GALNT16: variants seen among roughly 807,000 people sequenced by gnomAD.
GALNT16 encodes polypeptide N-acetylgalactosaminyltransferase 16.
A neutral mutation model predicts 76.1 loss-of-function variants in GALNT16; 40 were observed. The ratio of observed to expected loss-of-function variants is 0.53; its 90% CI spans 0.41 to 0.68. The LOEUF is 0.68. Ranked by LOEUF, GALNT16 falls within the 30% of genes least tolerant of loss-of-function variation. GALNT16 has a pLI of 0.00. For missense variants in GALNT16, 621 were observed against 731.9 expected, an observed-to-expected ratio of 0.85 and a Z score of 1.75; for synonymous variants, 276 against 285.2, an observed-to-expected ratio of 0.97 and a Z score of 0.32.
the GALNT16 span, among the ~76,000 whole-genome samples, chr14:69,363,564 A>T: frequency 6.6e-6 from 1 of 152,232 alleles, no homozygotes; most frequent in African/African-American, 2.4e-5. Flanking sequence ...TAAATAAAAG[A>T]AAAAGAGGCA....
At chr14:69,279,494 A>C (rs1203542343) in intron 1 of GALNT16, among the ~76,000 whole-genome samples, 1 of 152,214 alleles carries the variant, frequency 6.6e-6, no homozygotes, top group East Asian at 1.9e-4. Context: ...TGTTATGTAG[A>C]TCTCCACTGA....
intron 1 of GALNT16, among the ~76,000 whole-genome samples, chr14:69,270,962 G>C (rs1338775015): frequency 6.6e-6 from 1 of 152,150 alleles, no homozygotes; most frequent in African/African-American, 2.4e-5. Context: ...GGATGAAGGA[G>C]AACCAAAGGT....
chr14:69,337,914 G>A (rs2045433765), intron 9 of GALNT16, among the ~76,000 whole-genome samples: 1 of 152,210 alleles, frequency 6.6e-6, no homozygotes, highest in African/African-American at 2.4e-5. Flanking sequence ...TTAATATGAA[G>A]GAAAGTACGA....
chr14:69,365,915 A>G, the GALNT16 span, among the ~76,000 whole-genome samples: 1 of 152,336 alleles, frequency 6.6e-6, no homozygotes, highest in East Asian at 1.9e-4. Context: ...CTGACCCCAT[A>G]GCACATATAG....
At chr14:69,317,507 C>T (rs996142213) in intron 1 of GALNT16, among the ~76,000 whole-genome samples, 4 of 152,182 alleles carry the variant, frequency 2.6e-5, no homozygotes, top group African/African-American at 7.2e-5. Flanking sequence ...GTTATGTTGC[C>T]TTTTGTTTAT....
intron 7 of GALNT16, chr14:69,332,498 G>A (rs1201069042): frequency 6.5e-6 from 1 of 154,074 alleles, no homozygotes; most frequent in Non-Finnish European, 1.4e-5. Context: ...GAGTTCTATG[G>A]AACTGTGCTG....
At chr14:69,384,031 A>C in the GALNT16 span, among the ~76,000 whole-genome samples, 475 of 152,190 alleles carry the variant, frequency 3.1e-3, 4 homozygotes, top group African/African-American at 0.011. Context: ...AAGTTATGTT[A>C]TGTCATTAAT....
At chr14:69,369,983 C>T in the GALNT16 span, among the ~76,000 whole-genome samples, 9 of 152,212 alleles carry the variant, frequency 5.9e-5, no homozygotes, top group Non-Finnish European at 1.2e-4. Context: ...TTTTTATAAA[C>T]TGGCATTGGA....
At chr14:69,364,942 A>G in the GALNT16 span, among the ~76,000 whole-genome samples, 7 of 152,162 alleles carry the variant, frequency 4.6e-5, no homozygotes, top group Admixed American at 4.6e-4. This position sits in a 1 kb window ranked among gnomAD's most constrained non-coding sequence, Gnocchi z 4.2. Context: ...CACTATTATG[A>G]TATCCATTTA....
rs1226835012 is a variant in GALNT16 at position 69,322,926 on chromosome 14, GTGTGTGTGTGTGTGTGTGTGT to G, written c.336-1765_336-1745del. Among the ~76,000 whole-genome samples, 4 of 27,730 alleles carry G rather than the reference GTGTGTGTGTGTGTGTGTGTGT, an allele frequency of 1.4e-4. No individual in the cohort carries two copies. In the South Asian group the frequency reaches 1.9e-3, roughly 13 times the overall value. The allele number at this position is 27,730 out of a possible 152,430, so 18.2% of individuals were successfully genotyped here. A position where few individuals can be genotyped will look rare whatever the true frequency, so the allele number is the denominator to read the frequency against. ...AAAGAAAGCTGAGGTGGCTCACGGG[GTGTGTGTGTGTGTGTGTGTGT>G]GTGTGTGTGTGTGTGTGTGTGTGTG... is the stretch of plus-strand genomic sequence containing the variant. On this transcript the variant is annotated intron_variant, in intron 2 of 14. Coordinates refer to ENST00000448469, the MANE Select transcript of GALNT16 (RefSeq NM_001168368.2).
chr14:69,372,485 ATTAGCCTTTT>A, the GALNT16 span, among the ~76,000 whole-genome samples: 1 of 139,996 alleles, frequency 7.1e-6, no homozygotes, highest in Non-Finnish European at 1.5e-5. Flanking sequence ...AGTAGTGATC[ATTAGCCTTTT>A]TTTTTTTTTT....
chr14:69,338,593 C>T, intron 9 of GALNT16, 58 bp from the exon 10 acceptor site: 1 of 1,596,746 alleles, frequency 6.3e-7, no homozygotes, highest in Non-Finnish European at 8.6e-7. Flanking sequence ...CCAGCCCCTT[C>T]CCACCCTCAC....
At chr14:69,315,954 CA>C (rs372865269) in intron 1 of GALNT16, among the ~76,000 whole-genome samples, 34 of 148,188 alleles carry the variant, frequency 2.3e-4, no homozygotes, top group Admixed American at 1.3e-3. Flanking sequence ...GCAGTGCTGG[CA>C]AAAAAAAAAG....
chr14:69,281,664 G>A (rs2044543326), intron 1 of GALNT16, among the ~76,000 whole-genome samples: 1 of 152,118 alleles, frequency 6.6e-6, no homozygotes, highest in Non-Finnish European at 1.5e-5. Context: ...CCACTCCTGG[G>A]CTTCATGTGC....
chr14:69,379,552 G>C, the GALNT16 span, among the ~76,000 whole-genome samples: 4 of 152,138 alleles, frequency 2.6e-5, no homozygotes, highest in Non-Finnish European at 4.4e-5. Flanking sequence ...ACTGGCTGTT[G>C]GTAAAGTGCT....
At chr14:69,280,087 A>G (rs1026442750) in intron 1 of GALNT16, among the ~76,000 whole-genome samples, 1 of 152,242 alleles carries the variant, frequency 6.6e-6, no homozygotes, top group Admixed American at 6.5e-5. Context: ...TGTACAATTC[A>G]ATGGCATTAA....
At chr14:69,309,639 A>G (rs1431116874) in intron 1 of GALNT16, among the ~76,000 whole-genome samples, 1 of 152,106 alleles carries the variant, frequency 6.6e-6, no homozygotes, top group Non-Finnish European at 1.5e-5. Context: ...GAACTTCTTC[A>G]TATCCTTTAA....
At chr14:69,322,185 C>T (rs1015902476) in intron 2 of GALNT16, among the ~76,000 whole-genome samples, 1 of 152,236 alleles carries the variant, frequency 6.6e-6, no homozygotes, top group Non-Finnish European at 1.5e-5. Context: ...CCAAGTAAGG[C>T]AGTACTCCTG....
At chr14:69,313,514 G>A (rs2140154254) in intron 1 of GALNT16, among the ~76,000 whole-genome samples, 1 of 152,312 alleles carries the variant, frequency 6.6e-6, no homozygotes, top group East Asian at 1.9e-4. Flanking sequence ...GGAATAAGCA[G>A]TGGGCCTCCC....
Sources: gnomAD v4.1 joint callset for allele counts (sites outside exome capture counted in the v4.1 genomes callset) on GRCh38, gnomAD v4.1.1 for gene constraint, Gnocchi (gnomAD v3.1) non-coding constraint, MANE v1.5 for transcripts, NCBI Gene and HGNC (gene_info 2026-07-23, HGNC 2026-07-21) for gene names.